The following PTPN4 variants were observed in gnomAD, a reference collection of about 807,000 sequenced individuals.
PTPN4 encodes protein tyrosine phosphatase non-receptor type 4, also known as tyrosine-protein phosphatase non-receptor type 4.
In PTPN4, 49 loss-of-function variants were observed where a neutral mutation model predicts 135.5. The ratio of observed to expected loss-of-function variants is 0.36; its 90% CI spans 0.29 to 0.46. The LOEUF (loss-of-function observed/expected upper bound fraction) is 0.46, where lower values mean the gene tolerates loss of function less well. Ranked by LOEUF, PTPN4 falls within the 20% of genes least tolerant of loss-of-function variation. PTPN4 has a pLI of 1.00. For synonymous variants in PTPN4, 333 were observed against 369.9 expected, an observed-to-expected ratio of 0.90 and a Z score of 1.14; for missense variants, 860 against 1,101.0, an observed-to-expected ratio of 0.78 and a Z score of 3.10.
intron 13 of PTPN4, among the ~76,000 whole-genome samples, chr2:119,927,063 G>C (rs1678835378): frequency 7.0e-6 from 1 of 142,952 alleles, no homozygotes; most frequent in Non-Finnish European, 1.5e-5. Context: ...TTTTGTTTTT[G>C]TTTACCATTT....
intron 2 of PTPN4, among the ~76,000 whole-genome samples, chr2:119,836,667 G>A (rs956135311): frequency 1.3e-5 from 2 of 152,208 alleles, no homozygotes; most frequent in Non-Finnish European, 2.9e-5. Flanking sequence ...CTGTGCTCTC[G>A]CGGGGTCCAG....
chr2:119,958,097 A>G (rs184019101), intron 22 of PTPN4, among the ~76,000 whole-genome samples: 162 of 152,220 alleles, frequency 1.1e-3, no homozygotes, highest in African/African-American at 3.8e-3. Flanking sequence ...TTAATATACA[A>G]AGAGCTTCAT....
intron 2 of PTPN4, among the ~76,000 whole-genome samples, chr2:119,818,860 C>T (rs1268761323): frequency 6.6e-6 from 1 of 152,152 alleles, no homozygotes; most frequent in Non-Finnish European, 1.5e-5. Flanking sequence ...AACTAAGTGA[C>T]TAAGGTGTTC....
At chr2:119,871,390 A>C (rs1677907535) in intron 3 of PTPN4, among the ~76,000 whole-genome samples, 1 of 152,010 alleles carries the variant, frequency 6.6e-6, no homozygotes, top group South Asian at 2.1e-4. Flanking sequence ...AACCCTCATA[A>C]GAGAATAGTT....
At position 119,845,059 on chromosome 2, in the gene PTPN4, C is replaced by G. The variant is rs1163263091; in HGVS notation, c.139-17477C>G. 7.4e-5 allele frequency among the ~76,000 whole-genome samples: 11 copies of G among 149,358 alleles called. No individual in the cohort carries two copies. In the South Asian group the frequency reaches 1.1e-3, roughly 14 times the overall value. ...CGCGGTTAGGGGCTGGAGACCGGCC[C>G]GGCCAACACAGCGAAACCCCGTCTC... On this transcript the variant is annotated intron_variant, in intron 2 of 26. Transcript: ENST00000263708.
chr2:119,949,770 G>T (rs961386395), intron 18 of PTPN4, among the ~76,000 whole-genome samples: 16 of 152,046 alleles, frequency 1.1e-4, no homozygotes, highest in African/African-American at 3.9e-4. Context: ...TTGAGCCCAG[G>T]AGATCGAGGC....
intron 5 of PTPN4, among the ~76,000 whole-genome samples, chr2:119,878,476 A>G (rs1392564341): frequency 2.0e-5 from 3 of 152,300 alleles, no homozygotes; most frequent in South Asian, 2.1e-4. Flanking sequence ...AAAATTACCT[A>G]TAGATGGGAT....
chr2:119,975,085 A>T (rs1480205807), intron 26 of PTPN4, among the ~76,000 whole-genome samples: 1 of 152,128 alleles, frequency 6.6e-6, no homozygotes, highest in Non-Finnish European at 1.5e-5. Flanking sequence ...ATGCAGTCAA[A>T]TTACTGAGGT....
intron 2 of PTPN4, among the ~76,000 whole-genome samples, chr2:119,847,035 A>AATTGTATATTAGCC (rs993584445): frequency 2.7e-5 from 4 of 150,882 alleles, no homozygotes; most frequent in African/African-American, 9.7e-5. Context: ...TATATATAGA[A>AATTGTATATTAGCC]ATTGTATATT....
At chr2:119,939,424 C>T (rs1679030431) in intron 15 of PTPN4, among the ~76,000 whole-genome samples, 1 of 152,150 alleles carries the variant, frequency 6.6e-6, no homozygotes, top group Admixed American at 6.5e-5. Flanking sequence ...CCTCAGCCTC[C>T]CAAGTAGCTG....
chr2:119,827,870 GTATAATA>G (rs1373255044), intron 2 of PTPN4, among the ~76,000 whole-genome samples: 1 of 152,078 alleles, frequency 6.6e-6, no homozygotes, highest in Admixed American at 6.5e-5. Flanking sequence ...CCCCATTGCT[GTATAATA>G]CTTCATTTAT....
At chr2:119,958,125 A>C (rs1036161224) in intron 22 of PTPN4, among the ~76,000 whole-genome samples, 1 of 152,028 alleles carries the variant, frequency 6.6e-6, no homozygotes, top group Non-Finnish European at 1.5e-5. Context: ...TAAGAAAAGT[A>C]AGCCTCGGCA....
At chr2:119,777,279 T>C (rs1296135225) in intron 1 of PTPN4, among the ~76,000 whole-genome samples, 1 of 152,200 alleles carries the variant, frequency 6.6e-6, no homozygotes, top group African/African-American at 2.4e-5. Flanking sequence ...GCTCACTCTT[T>C]TACTTTTTAA....
chr2:119,853,528 C>A (rs983252950), intron 2 of PTPN4, among the ~76,000 whole-genome samples: 1 of 151,870 alleles, frequency 6.6e-6, no homozygotes, highest in Non-Finnish European at 1.5e-5. Context: ...AACATTTTAC[C>A]GCTTTGAGTA....
intron 2 of PTPN4, among the ~76,000 whole-genome samples, chr2:119,826,739 A>G (rs1413370632): frequency 7.2e-5 from 11 of 152,218 alleles, no homozygotes; most frequent in Non-Finnish European, 1.5e-5. Flanking sequence ...TTTTAAAATA[A>G]TCTTAGGTGA....
Position 119,914,248 on chromosome 2 carries a change from A to ATT in PTPN4, c.765-904_765-903dup, listed in dbSNP as rs55911315. 4.1e-3 allele frequency among the ~76,000 whole-genome samples: 400 copies of ATT among 97,362 alleles called. 39 individuals carry two copies. The highest frequency in any genetic ancestry group is 0.019 in the African/African-American group (327 of 17,018). 63.9% of individuals were successfully genotyped at this position (97,362 alleles called of 152,430 possible). ...CATAAATACAGTCAATAGTTACTCAATTTTTTTTTTTTTTTTTTTTTTTTT... is the reference window on the plus strand; with the variant it reads ...CATAAATACAGTCAATAGTTACTCAATTTTTTTTTTTTTTTTTTTTTTTTTTT... On this transcript the variant is annotated intron_variant, in intron 10 of 26. Transcript: ENST00000263708.
chr2:119,824,950 A>G (rs368714606), intron 2 of PTPN4, among the ~76,000 whole-genome samples: 1 of 152,194 alleles, frequency 6.6e-6, no homozygotes, highest in African/African-American at 2.4e-5. Context: ...GGCCTCCCAA[A>G]GTGCTGGGAT....
intron 10 of PTPN4, among the ~76,000 whole-genome samples, chr2:119,903,360 A>G (rs1678436537): frequency 6.6e-6 from 1 of 152,024 alleles, no homozygotes; most frequent in Admixed American, 6.5e-5. Context: ...TGATAACATC[A>G]AGGGCCTGAA....
intron 2 of PTPN4, among the ~76,000 whole-genome samples, chr2:119,822,320 A>T: frequency 6.7e-6 from 1 of 148,630 alleles, no homozygotes; most frequent in African/African-American, 2.5e-5. Context: ...TCTCTTCCAC[A>T]TGCTTTCTAT....
Sources: gnomAD v4.1 joint callset for allele counts (sites outside exome capture counted in the v4.1 genomes callset) on GRCh38, gnomAD v4.1.1 for gene constraint, MANE v1.5 for transcripts, NCBI Gene and HGNC (gene_info 2026-07-23, HGNC 2026-07-21) for gene names.